MTOR: variants seen among roughly 807,000 people sequenced by gnomAD.
The protein encoded by MTOR is serine/threonine-protein kinase mTOR.
MTOR carries 70 observed loss-of-function variants against 319.8 expected under a neutral mutation model. The ratio of observed to expected loss-of-function variants is 0.22; its 90% CI spans 0.18 to 0.27. MTOR has a LOEUF of 0.27. Ranked by LOEUF, MTOR falls within the 10% of genes least tolerant of loss-of-function variation. MTOR has a pLI of 1.00. For missense variants in MTOR, 1,890 were observed against 3,274.4 expected (o/e 0.58, Z 10.32); for synonymous variants, 1,183 against 1,211.4 (o/e 0.98, Z 0.49).
At chr1:11,167,776 G>A (rs1230311516) in intron 28 of MTOR, among the ~76,000 whole-genome samples, 2 of 152,188 alleles carry the variant, frequency 1.3e-5, no homozygotes, top group Non-Finnish European at 2.9e-5. Flanking sequence ...CTTCCTTTAA[G>A]AGCAGAGACT....
In MTOR at chr1:11,117,747, A is replaced by G. The variant is rs975628861; in HGVS notation, c.6934-661T>C. On this transcript the variant is annotated intron_variant, in intron 49 of 57. Transcript: ENST00000361445. ...AAACAGGCCGAAAGAGCAATGAAAC[A>G]GAAGAGGAGCCCTAGAAAGAAATCC... Among the ~76,000 whole-genome samples the G allele has an allele frequency of 3.3e-5, 5 of 152,178 alleles. No individual in the cohort carries two copies. In the East Asian group the frequency reaches 5.8e-4, roughly 18 times the overall value.
At chr1:11,187,867 C>T (rs889368085) in intron 28 of MTOR, among the ~76,000 whole-genome samples, 1 of 152,106 alleles carries the variant, frequency 6.6e-6, no homozygotes, top group African/African-American at 2.4e-5. Context: ...GATTAGAATG[C>T]CAAGTTGCTA....
chr1:11,223,080 T>C (rs1298379013), intron 19 of MTOR, among the ~76,000 whole-genome samples: 2 of 151,586 alleles, frequency 1.3e-5, no homozygotes, highest in Non-Finnish European at 1.5e-5. Context: ...AACTAGTTTA[T>C]AGGAAATTAA....
chr1:11,260,471 G>A (rs535668300), intron 1 of MTOR, among the ~76,000 whole-genome samples: 1 of 151,996 alleles, frequency 6.6e-6, no homozygotes, highest in South Asian at 2.1e-4. Flanking sequence ...GAACCCAGGA[G>A]GCAGAGGTTG....
At chr1:11,253,655 T>G (rs1008264979) in intron 6 of MTOR, among the ~76,000 whole-genome samples, 184 bp downstream of exon 6, 1 of 152,076 alleles carries the variant, frequency 6.6e-6, no homozygotes, top group East Asian at 1.9e-4. Context: ...TCCCCATCAC[T>G]CTCTATTCTA....
chr1:11,234,303 A>C (rs765661744), intron 13 of MTOR, 38 bp from the exon 14 acceptor site: 1 of 1,571,784 alleles, frequency 6.4e-7, no homozygotes. Flanking sequence ...TCTATGGCAG[A>C]AGACATTCTA....
In MTOR at chr1:11,133,262, C is replaced by A; in HGVS notation, c.5247-65G>T. On this transcript the variant is annotated intron_variant, in intron 37 of 57. Transcript: ENST00000361445. This position sits in a 1 kb window ranked among gnomAD's most constrained non-coding sequence, Gnocchi z 4.0. ...CAAAACAGCCCTCCTAAGAGGACCA[C>A]AAATTGTTAGGGGACACTGAAGCCC... 7.2e-7 allele frequency: 1 copy of A among 1,385,778 alleles called. No individual in the cohort carries two copies. Among genetic ancestry groups the A allele is most frequent in the Admixed American group, 1.7e-5 (1 of 59,244 alleles). 85.8% of individuals were successfully genotyped at this position (1,385,778 alleles called of 1,614,324 possible). A position where few individuals can be genotyped will look rare whatever the true frequency, so the allele number is the denominator to read the frequency against.
rs749267101 is a variant in MTOR at position 11,228,906 on chromosome 1, G to A, written c.2792C>T (p.Thr931Ile). Residue 931 changes from threonine (T) to isoleucine (I), a missense_variant, in exon 19 of 58, where the codon ACT (threonine) becomes ATT (isoleucine). Around this residue, in one of 15 missense-constraint regions of MTOR, gnomAD observed 377 missense variants for 653.9 expected, o/e 0.58. Transcript: ENST00000361445. Reference protein sequence around the residue: ...KSSQDSSDYSTSEMLVNMGNL... With the variant: ...KSSQDSSDYSISEMLVNMGNL... The stretch of plus-strand genomic sequence containing the variant: ...TCCCATGTTGACCAGCATTTCACTA[G>A]TGCTATAGTCAGCTAGGACAAAACA... The A allele has an allele frequency of 2.5e-6, 4 of 1,614,066 alleles. No homozygotes were observed. Among genetic ancestry groups the A allele is most frequent in the African/African-American group, 2.7e-5 (2 of 74,926 alleles).
chr1:11,216,260 C>T (rs895542261), intron 19 of MTOR, 26 bp from the exon 20 acceptor site: 1 of 1,588,226 alleles, frequency 6.3e-7, no homozygotes, highest in Non-Finnish European at 8.6e-7. Context: ...GGTCAACCAG[C>T]TGGTATCATG....
At chr1:11,227,294 T>C (rs1351215164) in intron 19 of MTOR, among the ~76,000 whole-genome samples, 1 of 51,994 alleles carries the variant, frequency 1.9e-5, no homozygotes, top group African/African-American at 7.8e-5. Context: ...TGAGACTTTG[T>C]CTCAAAAAAA....
chr1:11,123,650 G>A (rs1201408501), intron 47 of MTOR, among the ~76,000 whole-genome samples: 1 of 151,194 alleles, frequency 6.6e-6, no homozygotes, highest in Non-Finnish European at 1.5e-5. Context: ...TTTATTTTTT[G>A]TAGAGACAGG....
rs1322959708 is a variant in MTOR at position 11,115,992 on chromosome 1, A to T, written c.7017-524T>A. ...GCAACCACCTGGCTTTTATCAACAGATATTCTGCTAGACTTTTAAAAACAA... is the reference window on the plus strand; with the variant it reads ...GCAACCACCTGGCTTTTATCAACAGTTATTCTGCTAGACTTTTAAAAACAA... On this transcript the variant is annotated intron_variant, in intron 50 of 57. Transcript: ENST00000361445. This position sits in a 1 kb window ranked among gnomAD's most constrained non-coding sequence, Gnocchi z 4.5. Among the ~76,000 whole-genome samples, 1 of 152,188 alleles carries T rather than the reference A, an allele frequency of 6.6e-6. No homozygotes were observed. The highest frequency in any genetic ancestry group is 1.5e-5 in the Non-Finnish European group (1 of 68,034).
intron 49 of MTOR, among the ~76,000 whole-genome samples, chr1:11,118,395 C>T (rs1440836331): frequency 2.0e-5 from 3 of 151,220 alleles, no homozygotes; most frequent in South Asian, 2.1e-4. Flanking sequence ...TGCCACCATG[C>T]CCAGCTAATT....
intron 19 of MTOR, among the ~76,000 whole-genome samples, chr1:11,224,978 T>C (rs1176251931): frequency 6.6e-6 from 1 of 152,108 alleles, no homozygotes; most frequent in Non-Finnish European, 1.5e-5. Context: ...TGACACCAAT[T>C]ACATGAAATG....
intron 36 of MTOR, among the ~76,000 whole-genome samples, chr1:11,136,825 T>C (rs1378431357): frequency 1.3e-5 from 2 of 150,032 alleles, no homozygotes; most frequent in Non-Finnish European, 3.0e-5. Context: ...GAGAACTACA[T>C]TGACCAGTCT....
At position 11,121,779 on chromosome 1, in the gene MTOR, A is replaced by T. The variant is rs1221289215; in HGVS notation, c.6810+200T>A. On this transcript the variant is annotated intron_variant, in intron 48 of 57. Transcript: ENST00000361445. The surrounding 1 kb of genome is among the most constrained non-coding windows in gnomAD (Gnocchi z 4.9). ...TGTCTAGTCTTCCCTAGGATGGTGAAAACAATTTCTCAGCTTAAGGGTCCT... is the reference window on the plus strand; with the variant it reads ...TGTCTAGTCTTCCCTAGGATGGTGATAACAATTTCTCAGCTTAAGGGTCCT... 1.3e-5 allele frequency among the ~76,000 whole-genome samples: 2 copies of T among 152,070 alleles called. No individual in the cohort carries two copies. Among genetic ancestry groups the T allele is most frequent in the Non-Finnish European group, 1.5e-5 (1 of 68,042 alleles).
intron 3 of MTOR, among the ~76,000 whole-genome samples, chr1:11,257,530 T>C (rs550702886): frequency 8.2e-6 from 1 of 122,380 alleles, no homozygotes; most frequent in East Asian, 2.7e-4. Flanking sequence ...ACCATTGCAC[T>C]CCAGCCTGGG....
chr1:11,208,833 C>T (rs1292129134), intron 25 of MTOR, among the ~76,000 whole-genome samples: 1 of 152,194 alleles, frequency 6.6e-6, no homozygotes, highest in Non-Finnish European at 1.5e-5. Flanking sequence ...CATGGACCAG[C>T]AGCATCACAT....
rs141596802 is a variant in MTOR, at chr1:11,206,151, T to G, written c.3802-1448A>C. Among the ~76,000 whole-genome samples the G allele has an allele frequency of 2.8e-4, 42 of 152,380 alleles. 1 individual carries two copies. The East Asian group carries it at 8.1e-3, about 29-fold the overall frequency. On this transcript the variant is annotated intron_variant, in intron 25 of 57. Coordinates refer to ENST00000361445, the MANE Select transcript of MTOR (RefSeq NM_004958.4). Reference sequence around the variant, plus strand: ...GACTGATTTTTAGACCTTGCTCTGTTGAGCACAATGGGAACATCCAGTCCT... The same window carrying G: ...GACTGATTTTTAGACCTTGCTCTGTGGAGCACAATGGGAACATCCAGTCCT...
Sources: gnomAD v4.1 joint callset for allele counts (sites outside exome capture counted in the v4.1 genomes callset) on GRCh38, gnomAD v4.1.1 for gene constraint, gnomAD v4.1.1 regional missense constraint, Gnocchi (gnomAD v3.1) non-coding constraint, MANE v1.5 for transcripts, NCBI Gene and HGNC (gene_info 2026-07-23, HGNC 2026-07-21) for gene names.